Variants in EPHB4 observed in about 807,000 individuals in gnomAD.
EPHB4 encodes the protein EPH receptor B4.
In EPHB4, 50 loss-of-function variants were observed where a neutral mutation model predicts 110.6. That is an observed-to-expected ratio of 0.45 (90% CI 0.36 to 0.57). EPHB4 has a LOEUF of 0.57. Ranked by LOEUF, EPHB4 falls within the 20% of genes least tolerant of loss-of-function variation. The pLI is 0.00. For missense variants in EPHB4, 1,128 were observed against 1,382.1 expected, an observed-to-expected ratio of 0.82 and a Z score of 2.91; for synonymous variants, 592 against 578.4, an observed-to-expected ratio of 1.02 and a Z score of -0.34.
At position 100,822,965 on chromosome 7, in the gene EPHB4, G is replaced by T. The variant is rs1197436895; in HGVS notation, c.412-298C>A. The stretch of plus-strand genomic sequence containing the variant: ...CCTTGACCTCAGAGTCAAGGAGACA[G>T]CGATGAATGAATCCTGGGGAAGTTA... On this transcript the variant is annotated intron_variant, in intron 3 of 16. Coordinates refer to ENST00000358173, the MANE Select transcript of EPHB4 (RefSeq NM_004444.5). This position sits in a 1 kb window ranked among gnomAD's most constrained non-coding sequence, Gnocchi z 4.7. Among the ~76,000 whole-genome samples the T allele has an allele frequency of 6.6e-6, 1 of 152,130 alleles. No homozygotes were observed. Among genetic ancestry groups the T allele is most frequent in the Non-Finnish European group, 1.5e-5 (1 of 68,024 alleles).
At chr7:100,819,936 G>A (rs1281547547) in intron 5 of EPHB4, 47 bp from the exon 6 acceptor site, 2 of 1,508,354 alleles carry the variant, frequency 1.3e-6, no homozygotes, top group Non-Finnish European at 1.8e-6. Context: ...GCTCTGCGGT[G>A]GTGGGGAGAG....
At chr7:100,826,733 C>G in intron 1 of EPHB4, 1 of 423,786 alleles carries the variant, frequency 2.4e-6, no homozygotes, top group Non-Finnish European at 4.3e-6. Context: ...TCGGGGAGCC[C>G]GGGCAGGGGA....
intron 12 of EPHB4, among the ~76,000 whole-genome samples, chr7:100,810,318 A>T (rs1398145148): frequency 2.0e-5 from 3 of 152,182 alleles, no homozygotes; most frequent in Non-Finnish European, 4.4e-5. Flanking sequence ...ATACAGAGAG[A>T]CAAGCTAAAT....
intron 4 of EPHB4, among the ~76,000 whole-genome samples, chr7:100,820,724 G>A (rs1278916234): frequency 2.0e-5 from 3 of 152,162 alleles, no homozygotes; most frequent in Admixed American, 6.6e-5. Context: ...GAAATGCAAT[G>A]AAACATGAGG....
intron 14 of EPHB4, 176 bp from the exon 15 acceptor site, chr7:100,805,870 G>A: frequency 1.8e-6 from 1 of 542,722 alleles, no homozygotes; most frequent in Non-Finnish European, 2.9e-6. Flanking sequence ...GAAGGCCCCA[G>A]CAGCTCTTGG....
chr7:100,807,625 A>C (rs1584654592), intron 12 of EPHB4, 45 bp from the exon 13 acceptor site: 1 of 1,569,428 alleles, frequency 6.4e-7, no homozygotes, highest in Non-Finnish European at 8.7e-7. Context: ...CAGCCCACCC[A>C]CCGTTCCCCC....
chr7:100,813,086 G>A lies in EPHB4; in HGVS notation c.1870+9C>T, dbSNP rs201075640. The stretch of plus-strand genomic sequence containing the variant: ...GTTCCCAGGTGCCCGGGCAGCCTTC[G>A]GCTCTCACCTGCACCAATCACCTCT... On this transcript the variant is annotated intron_variant, in intron 11 of 16. Transcript: ENST00000358173. The A allele has an allele frequency of 7.4e-5, 120 of 1,613,420 alleles. No individual in the cohort carries two copies. The highest frequency in any genetic ancestry group is 5.6e-4 in the African/African-American group (42 of 75,052).
At chr7:100,803,906 G>C (rs971897660) in intron 16 of EPHB4, among the ~76,000 whole-genome samples, 1 of 152,202 alleles carries the variant, frequency 6.6e-6, no homozygotes, top group African/African-American at 2.4e-5. Flanking sequence ...GCCGTAGAGG[G>C]AAATGGAGTG....
chr7:100,817,389 C>G (rs1417770983), intron 7 of EPHB4, 32 bp from the exon 8 acceptor site: 1 of 1,514,998 alleles, frequency 6.6e-7, no homozygotes, highest in Non-Finnish European at 8.8e-7. Context: ...GTGGCCGTCA[C>G]CCGGGAACCC....
At chr7:100,806,702 ACT>A (rs1457872063) in intron 13 of EPHB4, 133 bp from the exon 14 acceptor site, 8 of 1,080,816 alleles carry the variant, frequency 7.4e-6, no homozygotes, top group South Asian at 5.0e-5. Context: ...CTACTCTCCA[ACT>A]CTGTTTGCCC....
intron 7 of EPHB4, among the ~76,000 whole-genome samples, chr7:100,817,980 C>T (rs1455073505): frequency 1.4e-5 from 2 of 142,912 alleles, no homozygotes; most frequent in Non-Finnish European, 3.0e-5. Context: ...CATTCTCCTG[C>T]CTCAGCCTCC....
intron 10 of EPHB4, 37 bp from the exon 11 acceptor site, chr7:100,813,245 AAC>A (rs775983800): frequency 6.5e-7 from 1 of 1,550,378 alleles, no homozygotes; most frequent in South Asian, 1.1e-5. Context: ...GCTGGGAATT[AAC>A]TCCCACTGGA....
chr7:100,820,064 T>C (rs1427343852), intron 5 of EPHB4, 77 bp downstream of exon 5: 11 of 1,559,888 alleles, frequency 7.1e-6, no homozygotes, highest in Non-Finnish European at 9.5e-6. Context: ...CCAGGGAGGA[T>C]GGGGGCCATG....
At chr7:100,804,276 C>T (rs1349225820) in intron 16 of EPHB4, among the ~76,000 whole-genome samples, 1 of 150,402 alleles carries the variant, frequency 6.6e-6, no homozygotes, top group Non-Finnish European at 1.5e-5. Context: ...GCTGAGATTA[C>T]AGGCGTGAGC....
intron 1 of EPHB4, 112 bp downstream of exon 1, chr7:100,826,867 G>T: frequency 8.0e-7 from 1 of 1,248,702 alleles, no homozygotes; most frequent in Non-Finnish European, 1.1e-6. Flanking sequence ...GTTTGGGACT[G>T]CAGTGCCCGG....
chr7:100,824,106 CA>C, intron 2 of EPHB4, 96 bp downstream of exon 2: 2 of 1,567,824 alleles, frequency 1.3e-6, no homozygotes, highest in East Asian at 2.2e-5. Flanking sequence ...TCTGGGGGGA[CA>C]GGGGAGAGGA....
chr7:100,822,812 T>G lies in EPHB4; in HGVS notation c.412-145A>C. The G allele has an allele frequency of 3.1e-6, 4 of 1,281,336 alleles. No homozygotes were observed. The highest frequency in any genetic ancestry group is 1.6e-5 in the South Asian group (1 of 63,486). The allele number at this position is 1,281,336 out of a possible 1,614,324, so 79.4% of individuals were successfully genotyped here. A position where few individuals can be genotyped will look rare whatever the true frequency, so the allele number is the denominator to read the frequency against. ...TCCACCTTCCCCAGGGCACACTTTC[T>G]GCAGGCCCCCACACTGTCCATTCAG... On this transcript the variant is annotated intron_variant, in intron 3 of 16. Transcript: ENST00000358173. This position sits in a 1 kb window ranked among gnomAD's most constrained non-coding sequence, Gnocchi z 4.7.
Position 100,819,695 on chromosome 7 carries a change from C to A in EPHB4, c.1159G>T (p.Val387Leu), listed in dbSNP as rs1166441822. ...LTFDPGPRDL[V>L]EPWVVVRGLR... ...CCTCGAACCACCACCCAGGGCTCCACCAGGTCCCGGGGGCCGGGGTCAAAA... is the reference window on the plus strand; with the variant it reads ...CCTCGAACCACCACCCAGGGCTCCAACAGGTCCCGGGGGCCGGGGTCAAAA... The change falls in exon 6 of 17, where the codon GTG becomes TTG. Residue 387 changes from valine to leucine, a missense_variant. Val to Leu is a conservative substitution (Grantham distance 32). Around this residue, in one of 3 missense-constraint regions of EPHB4, gnomAD observed 728 missense variants for 828.6 expected, o/e 0.88. Transcript: ENST00000358173. The A allele has an allele frequency of 6.2e-7, 1 of 1,613,600 alleles. No homozygotes were observed. Among genetic ancestry groups the A allele is most frequent in the Non-Finnish European group, 8.5e-7 (1 of 1,179,970 alleles).
chr7:100,813,963 C>G lies in EPHB4; in HGVS notation c.1647G>C (p.Val549=). The stretch of plus-strand genomic sequence containing the variant: ...CCACAATGACCACCAGGACCAGGAC[C>G]ACACCCACGACTGCCGTGCCCGCAA... ...ALIAGTAVVG[V]VLVLVVIVVA... Residue 549 remains valine (V), a synonymous_variant, in exon 9 of 17, where the codon GTG becomes GTC. Transcript: ENST00000358173. 6.2e-7 allele frequency: 1 copy of G among 1,614,170 alleles called. No homozygotes were observed. The highest frequency in any genetic ancestry group is 8.5e-7 in the Non-Finnish European group (1 of 1,180,040).
Sources: allele counts gnomAD v4.1 joint callset (sites outside exome capture counted in the v4.1 genomes callset), GRCh38; gene constraint gnomAD v4.1.1; regional missense constraint gnomAD v4.1.1; non-coding constraint Gnocchi (gnomAD v3.1); transcripts MANE v1.5; gene names NCBI Gene and HGNC (gene_info 2026-07-23, HGNC 2026-07-21).